Variants in ZGPAT observed in about 807,000 individuals in gnomAD.
ZGPAT encodes zinc finger CCCH-type and G-patch domain containing.
Under a neutral mutation model 47.9 loss-of-function variants are expected in ZGPAT, and 39 were observed. The ratio of observed to expected loss-of-function variants is 0.81; its 90% confidence interval spans 0.63 to 1.06. ZGPAT has a LOEUF of 1.06. Ranked by LOEUF, ZGPAT falls within the 50% of genes least tolerant of loss-of-function variation. The probability of loss-of-function intolerance (pLI) is 0.00; values close to 1 mark genes in which losing one functional copy is unlikely to be tolerated. For synonymous variants in ZGPAT, 348 were observed against 292.9 expected (o/e 1.19, Z -1.92); for missense variants, 717 against 681.4 (o/e 1.05, Z -0.58).
intron 2 of ZGPAT, among the ~76,000 whole-genome samples, chr20:63,714,241 C>T (rs2091702501): frequency 6.6e-6 from 1 of 151,940 alleles, no homozygotes; most frequent in African/African-American, 2.4e-5. Context: ...GCCTGGCCAA[C>T]ACGGCGAAAC....
chr20:63,722,019 A>AGG (rs1568791599), intron 2 of ZGPAT, among the ~76,000 whole-genome samples: 98 of 143,426 alleles, frequency 6.8e-4, no homozygotes, highest in East Asian at 1.6e-3. Context: ...TCTCGGGGAA[A>AGG]AAAAAAAAAA....
chr20:63,735,791 G>GCAGGGATGC lies in ZGPAT; in HGVS notation c.1409_1410insAGGGATGCC (p.Ala470_Ser471insGlyMetPro). On this transcript the variant is annotated inframe_insertion, in exon 7 of 7. Transcript: ENST00000355969. ...TGAGCCCCTCCGCAGGCATAGCGTG[G>GCAGGGATGC]CGTCAGCCCAGCTGCAGGAGAAGCT... The GCAGGGATGC allele has an allele frequency of 6.2e-7, 1 of 1,605,274 alleles. No homozygotes were observed. The highest frequency in any genetic ancestry group is 1.1e-5 in the South Asian group (1 of 90,168).
At chr20:63,726,496 A>T (rs2091847375) in intron 2 of ZGPAT, among the ~76,000 whole-genome samples, 1 of 133,846 alleles carries the variant, frequency 7.5e-6, no homozygotes, top group Admixed American at 8.2e-5. Context: ...CCCGGCCTTG[A>T]ATTTTTTTTT....
At chr20:63,711,307 G>T (rs1285888298) in intron 2 of ZGPAT, among the ~76,000 whole-genome samples, 1 of 152,144 alleles carries the variant, frequency 6.6e-6, no homozygotes, top group African/African-American at 2.4e-5. Context: ...TCTGGGCCAG[G>T]CACTGCTCCA....
At chr20:63,726,279 A>G (rs1362680055) in intron 2 of ZGPAT, among the ~76,000 whole-genome samples, 2 of 148,368 alleles carry the variant, frequency 1.3e-5, no homozygotes, top group Non-Finnish European at 3.0e-5. Context: ...GCTCACTGCA[A>G]CCTCCACCTC....
At chr20:63,712,895 TAAAC>T (rs1315977041) in intron 2 of ZGPAT, among the ~76,000 whole-genome samples, 2 of 151,986 alleles carry the variant, frequency 1.3e-5, no homozygotes, top group East Asian at 1.9e-4. Context: ...GACTCCATCT[TAAAC>T]AACAACAATA....
chr20:63,716,409 C>A (rs1283662022), intron 2 of ZGPAT, among the ~76,000 whole-genome samples: 2 of 152,114 alleles, frequency 1.3e-5, no homozygotes, highest in East Asian at 3.8e-4. Context: ...TGTTACCATA[C>A]AATTGTTCAT....
intron 2 of ZGPAT, among the ~76,000 whole-genome samples, chr20:63,720,727 T>G (rs2091778988): frequency 6.6e-6 from 1 of 152,184 alleles, no homozygotes; most frequent in African/African-American, 2.4e-5. Flanking sequence ...GTGTTGAGAT[T>G]ACAGGTGTGA....
At chr20:63,719,578 A>G (rs2091766454) in intron 2 of ZGPAT, among the ~76,000 whole-genome samples, 1 of 151,996 alleles carries the variant, frequency 6.6e-6, no homozygotes, top group South Asian at 2.1e-4. Context: ...AATTTTCACT[A>G]CAGTTACTGT....
intron 2 of ZGPAT, among the ~76,000 whole-genome samples, chr20:63,712,302 C>T (rs1225223543): frequency 1.3e-5 from 2 of 152,180 alleles, no homozygotes; most frequent in African/African-American, 2.4e-5. Flanking sequence ...TGTCCAAAAT[C>T]AATTGGCAAT....
chr20:63,710,313 G>T (rs4809220), intron 2 of ZGPAT, among the ~76,000 whole-genome samples: 2 of 151,928 alleles, frequency 1.3e-5, no homozygotes, highest in African/African-American at 4.8e-5. Flanking sequence ...CCACCACACT[G>T]GGCTAATTTT....
At chr20:63,708,394 C>T (rs1037470806) in intron 1 of ZGPAT, among the ~76,000 whole-genome samples, 159 bp from the exon 2 acceptor site, 1 of 152,118 alleles carries the variant, frequency 6.6e-6, no homozygotes, top group Non-Finnish European at 1.5e-5. Context: ...AAGCGCGGAG[C>T]CTGAGCGGGG....
chr20:63,735,419 G>A lies in ZGPAT; in HGVS notation c.1252G>A (p.Gly418Arg), dbSNP rs761642869. 1.3e-6 allele frequency: 2 copies of A among 1,571,684 alleles called. No homozygotes were observed. Among genetic ancestry groups the A allele is most frequent in the East Asian group, 2.3e-5 (1 of 44,156 alleles). ...CCTAGAAGCCGGGGCGGCCCCAGCGGGGAGGAGGAGCAAGGACATGTACCA... is the reference window on the plus strand; with the variant it reads ...CCTAGAAGCCGGGGCGGCCCCAGCGAGGAGGAGGAGCAAGGACATGTACCA... The part of the protein sequence containing the change: ...GALEAGAAPA[G>R]RRSKDMYHAS... Residue 418 changes from glycine (G) to arginine (R), a missense_variant, in exon 6 of 7, where the codon GGG becomes AGG. Coordinates refer to ENST00000355969, the MANE Select transcript of ZGPAT (RefSeq NM_181485.3).
intron 2 of ZGPAT, among the ~76,000 whole-genome samples, chr20:63,722,039 A>T (rs1338309905): frequency 6.6e-6 from 1 of 150,784 alleles, no homozygotes; most frequent in Non-Finnish European, 1.5e-5. Context: ...AAAAAATGCC[A>T]TCAACAGCAC....
chr20:63,712,242 C>A (rs1233067959), intron 2 of ZGPAT, among the ~76,000 whole-genome samples: 1 of 152,170 alleles, frequency 6.6e-6, no homozygotes, highest in South Asian at 2.1e-4. Flanking sequence ...TTTCCCAGCA[C>A]CATTTGTTTA....
chr20:63,724,673 A>ATTTTT (rs34414685), intron 2 of ZGPAT, among the ~76,000 whole-genome samples: 1 of 137,438 alleles, frequency 7.3e-6, no homozygotes, highest in Non-Finnish European at 1.5e-5. Flanking sequence ...TTCATTTAGA[A>ATTTTT]TTTTTTTTTT....
chr20:63,715,490 TGGCC>T (rs2091717972), intron 2 of ZGPAT, among the ~76,000 whole-genome samples: 1 of 152,046 alleles, frequency 6.6e-6, no homozygotes, highest in African/African-American at 2.4e-5. Context: ...TCACCCACCT[TGGCC>T]TCCCGAAGTG....
chr20:63,732,364 CAG>C (rs1449725198), intron 2 of ZGPAT, among the ~76,000 whole-genome samples: 31 of 30,056 alleles, frequency 1.0e-3, no homozygotes, highest in East Asian at 8.1e-3. Context: ...GTGCATGTGT[CAG>C]GGTGTGTGTG....
chr20:63,720,743 C>T (rs565916834), intron 2 of ZGPAT, among the ~76,000 whole-genome samples: 7 of 152,130 alleles, frequency 4.6e-5, no homozygotes, highest in East Asian at 1.9e-4. Flanking sequence ...TGTGAGCCAC[C>T]GCACCCGGCC....
Sources: gnomAD v4.1 joint callset for allele counts (sites outside exome capture counted in the v4.1 genomes callset) on GRCh38, gnomAD v4.1.1 for gene constraint, MANE v1.5 for transcripts, NCBI Gene and HGNC (gene_info 2026-07-23, HGNC 2026-07-21) for gene names.